The following CAMSAP1 variants were observed in gnomAD, a reference collection of about 807,000 sequenced individuals.
CAMSAP1 encodes calmodulin-regulated spectrin-associated protein 1.
Under a neutral mutation model 143.5 loss-of-function variants are expected in CAMSAP1, and 58 were observed. That is an observed-to-expected ratio of 0.40 (90% CI 0.33 to 0.50). The LOEUF is 0.50. Among genes scored for constraint, CAMSAP1 ranks in the 20% least tolerant of loss-of-function variants. CAMSAP1 has a pLI of 0.45. For missense variants in CAMSAP1, 1,969 were observed against 2,115.7 expected (o/e 0.93, Z 1.36); for synonymous variants, 945 against 859.3 (o/e 1.10, Z -1.74).
chr9:135,823,469 A>AC (rs1351620481), intron 10 of CAMSAP1, among the ~76,000 whole-genome samples: 1 of 152,188 alleles, frequency 6.6e-6, no homozygotes, highest in Non-Finnish European at 1.5e-5. Flanking sequence ...ACCTCTTGAT[A>AC]CCCTTCAAAA....
intron 7 of CAMSAP1, chr9:135,837,042 G>A: frequency 1.3e-6 from 1 of 744,762 alleles, no homozygotes; most frequent in Non-Finnish European, 1.6e-6. Flanking sequence ...ATGTTCTAGA[G>A]ACACACATCA....
intron 7 of CAMSAP1, among the ~76,000 whole-genome samples, chr9:135,847,961 A>AGGGGGC (rs1836636263): frequency 7.8e-5 from 1 of 12,902 alleles, no homozygotes; most frequent in Admixed American, 8.4e-4. Flanking sequence ...GGGGAGGGGG[A>AGGGGGC]GGAGTGAAGG....
chr9:135,819,061 A>T lies in CAMSAP1; in HGVS notation c.3908T>A (p.Val1303Glu), dbSNP rs752721481. 1 of 1,606,222 alleles carries T rather than the reference A, an allele frequency of 6.2e-7. No individual in the cohort carries two copies. Among genetic ancestry groups the T allele is most frequent in the Non-Finnish European group, 8.5e-7 (1 of 1,178,088 alleles). ...CTCCGCTTCCAGCTGCTGCTTGCGC[A>T]CGCGGGCCTCCTCGGCCTTGCGCTG... ...KQQRKAEEAR[V>E]RKQQLEAEVE... Residue 1303 changes from valine (V) to glutamate (E), a missense_variant, in exon 12 of 17, where the codon GTG becomes GAG. By Grantham distance (121) the Val-to-Glu change is moderately radical. This residue lies in a region of CAMSAP1 where 1,390 missense variants were observed against 1,420.8 expected (regional missense o/e 0.98). Transcript: ENST00000389532.
chr9:135,905,457 G>A (rs1254755335), intron 1 of CAMSAP1, among the ~76,000 whole-genome samples: 1 of 152,200 alleles, frequency 6.6e-6, no homozygotes, highest in Admixed American at 6.5e-5. Context: ...ACATGCAGGA[G>A]TAAAACTTTG....
In CAMSAP1 at chr9:135,810,694, GA is replaced by G. The variant is rs1835014773; in HGVS notation, c.*614del. On this transcript the variant is annotated 3_prime_UTR_variant, in exon 17 of 17. Transcript: ENST00000389532. Reference sequence around the variant, plus strand: ...CGTAAACTTTTTCTGAGCAGCAAGGGATAAGAATTTTTTTTCAGAAATCTTA... The same window carrying G: ...CGTAAACTTTTTCTGAGCAGCAAGGGTAAGAATTTTTTTTCAGAAATCTTA... 6.6e-6 allele frequency: 1 copy of G among 152,636 alleles called. No individual in the cohort carries two copies. The highest frequency in any genetic ancestry group is 1.5e-5 in the Non-Finnish European group (1 of 68,080). 9.5% of individuals were successfully genotyped at this position (152,636 alleles called of 1,614,324 possible).
intron 3 of CAMSAP1, 143 bp downstream of exon 3, chr9:135,881,490 G>T: frequency 1.1e-6 from 1 of 933,554 alleles, no homozygotes. Flanking sequence ...AACTACAGCA[G>T]ACACATTTCT....
intron 14 of CAMSAP1, among the ~76,000 whole-genome samples, chr9:135,816,427 G>A (rs919931243): frequency 6.6e-6 from 1 of 152,166 alleles, no homozygotes; most frequent in African/African-American, 2.4e-5. Flanking sequence ...ACAGCAGGCC[G>A]AGTCTGAAAA....
rs186437531 is a variant in CAMSAP1 at position 135,840,931 on chromosome 9, A to C, written c.1045+9206T>G. 7.2e-3 allele frequency among the ~76,000 whole-genome samples: 1,091 copies of C among 152,326 alleles called. 10 individuals are homozygous for C. Among genetic ancestry groups the C allele is most frequent in the African/African-American group, 0.025 (1,044 of 41,562 alleles). On this transcript the variant is annotated intron_variant, in intron 7 of 16. Coordinates refer to ENST00000389532, the MANE Select transcript of CAMSAP1 (RefSeq NM_015447.4). Reference sequence around the variant, plus strand: ...CACAAAACTGGGCGACCATTTGGGCAGACACCGAGCTAGTTGCAGGAGTTT... The same window carrying C: ...CACAAAACTGGGCGACCATTTGGGCCGACACCGAGCTAGTTGCAGGAGTTT...
rs1485814761 is a variant in CAMSAP1 at position 135,820,727 on chromosome 9, C to T, written c.3822+112G>A. On this transcript the variant is annotated intron_variant, in intron 11 of 16. Coordinates refer to ENST00000389532, the MANE Select transcript of CAMSAP1 (RefSeq NM_015447.4). This position sits in a 1 kb window ranked among gnomAD's most constrained non-coding sequence, Gnocchi z 4.4. ...AAGCTAAACACACACATCCCCTGGCCTCTTACAGGAGCGGCTGGCCAGCCT... is the reference window on the plus strand; with the variant it reads ...AAGCTAAACACACACATCCCCTGGCTTCTTACAGGAGCGGCTGGCCAGCCT... 2 of 1,389,122 alleles carry T rather than the reference C, an allele frequency of 1.4e-6. No individual in the cohort carries two copies. Among genetic ancestry groups the T allele is most frequent in the Non-Finnish European group, 2.0e-6 (2 of 1,024,990 alleles). 86.0% of individuals were successfully genotyped at this position (1,389,122 alleles called of 1,614,324 possible). A position where few individuals can be genotyped will look rare whatever the true frequency, so the allele number is the denominator to read the frequency against.
At chr9:135,836,799 C>T (rs1306316472) in intron 7 of CAMSAP1, 2 of 984,686 alleles carry the variant, frequency 2.0e-6, no homozygotes, top group African/African-American at 3.5e-5. Flanking sequence ...TCATCATGCA[C>T]TTTCTACCCC....
intron 3 of CAMSAP1, among the ~76,000 whole-genome samples, chr9:135,878,367 C>A (rs555509884): frequency 6.8e-6 from 1 of 146,138 alleles, no homozygotes; most frequent in Non-Finnish European, 1.5e-5. Context: ...CTGCAGAGGA[C>A]GACACAGAGC....
Position 135,822,785 on chromosome 9 carries a change from T to G in CAMSAP1, c.1876A>C (p.Arg626=). 1 of 1,613,930 alleles carries G rather than the reference T, an allele frequency of 6.2e-7. No individual in the cohort carries two copies. Among genetic ancestry groups the G allele is most frequent in the Non-Finnish European group, 8.5e-7 (1 of 1,179,868 alleles). The change falls in exon 11 of 17, where the codon AGG becomes CGG. Residue 626 remains arginine, a synonymous_variant. Transcript: ENST00000389532. This position sits in a 1 kb window ranked among gnomAD's most constrained non-coding sequence, Gnocchi z 6.1. Reference sequence around the variant, plus strand: ...GGCTGGGGGCCCTCGCTGGGCCTCCTAGACACGATGCTCCTCGGTCTCCCT... The same window carrying G: ...GGCTGGGGGCCCTCGCTGGGCCTCCGAGACACGATGCTCCTCGGTCTCCCT... ...GEGRPRSIVS[R]RPSEGPQPLV...
chr9:135,816,695 C>T (rs776513518), intron 14 of CAMSAP1, among the ~76,000 whole-genome samples: 20 of 152,234 alleles, frequency 1.3e-4, no homozygotes, highest in Non-Finnish European at 2.4e-4. Flanking sequence ...AGCCATGAGA[C>T]GGGTGAAGAG....
chr9:135,852,671 C>A (rs1189228378), intron 5 of CAMSAP1, among the ~76,000 whole-genome samples: 1 of 152,190 alleles, frequency 6.6e-6, no homozygotes, highest in Non-Finnish European at 1.5e-5. Context: ...TCATCTGGTC[C>A]ATGTGACTGC....
Position 135,828,160 on chromosome 9 carries a change from C to T in CAMSAP1, c.1046-576G>A, listed in dbSNP as rs371664336. Among the ~76,000 whole-genome samples, 64 of 152,340 alleles carry T rather than the reference C, an allele frequency of 4.2e-4. 2 individuals are homozygous for T. In the East Asian group the frequency reaches 8.1e-3, roughly 19 times the overall value. On this transcript the variant is annotated intron_variant, in intron 7 of 16. Transcript: ENST00000389532. ...GGGCGCCATTCCCTTTCTTGGCCCA[C>T]GCCTGCTCACCCGCCTCTCTCCCAA...
At chr9:135,851,248 T>C (rs951104809) in intron 5 of CAMSAP1, among the ~76,000 whole-genome samples, 6 of 152,150 alleles carry the variant, frequency 3.9e-5, no homozygotes, top group South Asian at 4.1e-4. Flanking sequence ...AGAGAAAAAA[T>C]AGAATTTCAG....
chr9:135,874,672 C>CAA (rs796673379), intron 3 of CAMSAP1, among the ~76,000 whole-genome samples: 13 of 142,564 alleles, frequency 9.1e-5, no homozygotes, highest in Non-Finnish European at 1.2e-4. Flanking sequence ...TACAGTAAGG[C>CAA]AAAAAAAAAA....
At chr9:135,854,448 C>T (rs1456396500) in intron 5 of CAMSAP1, among the ~76,000 whole-genome samples, 1 of 151,640 alleles carries the variant, frequency 6.6e-6, no homozygotes, top group Non-Finnish European at 1.5e-5. Context: ...ACTTTATTCA[C>T]TTTTTGCTGT....
chr9:135,819,267 A>G (rs1053648401), intron 11 of CAMSAP1, 121 bp from the exon 12 acceptor site: 1 of 1,308,902 alleles, frequency 7.6e-7, no homozygotes, highest in Non-Finnish European at 1.0e-6. Flanking sequence ...AAAGACTTCT[A>G]TGCTTTTCTC....
Sources: gnomAD v4.1 joint callset for allele counts (sites outside exome capture counted in the v4.1 genomes callset) on GRCh38, gnomAD v4.1.1 for gene constraint, gnomAD v4.1.1 regional missense constraint, Gnocchi (gnomAD v3.1) non-coding constraint, MANE v1.5 for transcripts, NCBI Gene and HGNC (gene_info 2026-07-23, HGNC 2026-07-21) for gene names.